Variants in LMBR1L observed in about 807,000 individuals in gnomAD.
The protein encoded by LMBR1L is limb development membrane protein 1 like.
Under a neutral mutation model 67.3 loss-of-function variants are expected in LMBR1L, and 47 were observed. The ratio of observed to expected loss-of-function variants is 0.70; its 90% CI spans 0.55 to 0.89. The LOEUF is 0.89. LMBR1L is among the 40% of genes least tolerant of loss of function. LMBR1L has a pLI of 0.00. For synonymous variants in LMBR1L, 247 were observed against 250.3 expected (o/e 0.99, Z 0.13); for missense variants, 533 against 599.2 (o/e 0.89, Z 1.15).
In LMBR1L at chr12:49,097,583, C is replaced by T. The variant is rs1939543242; in HGVS notation, c.*89G>A. ...CCACCCACCCTCTCAGATTCCAGGT[C>T]CTGAGGTCCAAGTAGCCTTGGGCTT... On this transcript the variant is annotated 3_prime_UTR_variant, in exon 17 of 17. Transcript: ENST00000267102. 7.6e-7 allele frequency: 1 copy of T among 1,314,752 alleles called. No homozygotes were observed. The allele number at this position is 1,314,752 out of a possible 1,614,324, so 81.4% of individuals were successfully genotyped here.
chr12:49,097,646 T>C lies in LMBR1L; in HGVS notation c.*26A>G, dbSNP rs1477533848. The C allele has an allele frequency of 3.1e-6, 5 of 1,611,772 alleles. No individual in the cohort carries two copies. Among genetic ancestry groups the C allele is most frequent in the African/African-American group, 1.3e-5 (1 of 74,964 alleles). ...AGGCAGCAGATGGCAGTGTCCAGTT[T>C]TTTCCTTCCCACCCCCAGCTGGAGG... On this transcript the variant is annotated 3_prime_UTR_variant, in exon 17 of 17. Transcript: ENST00000267102.
At chr12:49,097,898 AG>A in intron 16 of LMBR1L, 45 bp downstream of exon 16, 1 of 1,596,856 alleles carries the variant, frequency 6.3e-7, no homozygotes, top group African/African-American at 1.3e-5. Context: ...AGAGTGTCCT[AG>A]ATGATTACCA....
intron 9 of LMBR1L, 37 bp from the exon 10 acceptor site, chr12:49,102,413 G>A (rs373373365): frequency 1.9e-4 from 305 of 1,613,334 alleles, no homozygotes; most frequent in Non-Finnish European, 2.4e-4. Flanking sequence ...CTCAAGTCCT[G>A]CAGTTTCTGC....
In LMBR1L at chr12:49,103,683, T is replaced by C; in HGVS notation, c.562+4A>G. On this transcript the variant is annotated splice_donor_region_variant and intron_variant, in intron 6 of 16. Coordinates refer to ENST00000267102, the MANE Select transcript of LMBR1L (RefSeq NM_018113.4). Reference sequence around the variant, plus strand: ...TGCAGCCTGGAGGAAGCTGGGCCGCTCACCATAGAGTGACTCTCTGTTGGC... The same window carrying C: ...TGCAGCCTGGAGGAAGCTGGGCCGCCCACCATAGAGTGACTCTCTGTTGGC... 1 of 1,610,708 alleles carries C rather than the reference T, an allele frequency of 6.2e-7. No individual in the cohort carries two copies. Among genetic ancestry groups the C allele is most frequent in the Non-Finnish European group, 8.5e-7 (1 of 1,178,494 alleles).
At chr12:49,099,528 G>A (rs1174015511) in intron 15 of LMBR1L, among the ~76,000 whole-genome samples, 1 of 151,224 alleles carries the variant, frequency 6.6e-6, no homozygotes, top group East Asian at 2.0e-4. Flanking sequence ...GAGGGCGGCT[G>A]TTACCTCTGC....
In LMBR1L at chr12:49,100,597, GGAA is replaced by G; in HGVS notation, c.1129_1131del (p.Phe377del). The G allele has an allele frequency of 6.2e-7, 1 of 1,614,162 alleles. No individual in the cohort carries two copies. Among genetic ancestry groups the G allele is most frequent in the Non-Finnish European group, 8.5e-7 (1 of 1,180,020 alleles). ...TCGTGCCATCTGGGCCGCAGGCTCC[GGAA>G]GAGTGGAGAGCTATAGAAGCCCACA... On this transcript the variant is annotated inframe_deletion, in exon 14 of 17. Coordinates refer to ENST00000267102, the MANE Select transcript of LMBR1L (RefSeq NM_018113.4).
rs768082638 is a variant in LMBR1L at position 49,097,952 on chromosome 12, CG to C, written c.1393del (p.Arg465GlyfsTer77). The C allele has an allele frequency of 1.2e-5, 20 of 1,611,648 alleles. No individual in the cohort carries two copies. The highest frequency in any genetic ancestry group is 6.7e-5 in the Admixed American group (4 of 59,956). On this transcript the variant is annotated frameshift_variant, in exon 16 of 17. Coordinates refer to ENST00000267102, the MANE Select transcript of LMBR1L (RefSeq NM_018113.4). LOFTEE classifies it high-confidence loss of function. ...FTAAVRAELI[R>X]AFGLDRLPLP... is the part of the protein sequence containing the mutation. ...CCCTCACTCCCTCTCACCAAAGGCC[CG>C]GATCAGCTCTGCCCGCACAGCTGCA...
At chr12:49,099,828 G>T (rs956764294) in intron 15 of LMBR1L, among the ~76,000 whole-genome samples, 1 of 151,942 alleles carries the variant, frequency 6.6e-6, no homozygotes, top group Non-Finnish European at 1.5e-5. Context: ...TGATCCGCCC[G>T]CCTTGGCCTC....
chr12:49,106,697 C>T lies in LMBR1L; in HGVS notation c.157+264G>A, dbSNP rs780285377. On this transcript the variant is annotated intron_variant, in intron 2 of 16. Transcript: ENST00000267102. ...TTTCACATTAACCATCTCCTTTGGT[C>T]CACACAATGGAGTAGGTAGACATTG... The T allele has an allele frequency of 4.5e-6, 5 of 1,099,818 alleles. No homozygotes were observed. In the South Asian group the frequency reaches 6.7e-5, roughly 15 times the overall value. 68.1% of individuals were successfully genotyped at this position (1,099,818 alleles called of 1,614,324 possible).
rs1358071031 is a variant in LMBR1L at position 49,097,666 on chromosome 12, TGGA to T, written c.*3_*5del. The T allele has an allele frequency of 4.3e-6, 7 of 1,612,900 alleles. No homozygotes were observed. The Admixed American group carries it at 1.2e-4, about 27-fold the overall frequency. On this transcript the variant is annotated 3_prime_UTR_variant, in exon 17 of 17. Transcript: ENST00000267102. ...CAGTTTTTTCCTTCCCACCCCCAGCTGGAGGTCACTGGTGCTGGGTCTTCCTAG... is the reference window on the plus strand; with the variant it reads ...CAGTTTTTTCCTTCCCACCCCCAGCTGGTCACTGGTGCTGGGTCTTCCTAG...
intron 5 of LMBR1L, 85 bp from the exon 6 acceptor site, chr12:49,103,898 G>C: frequency 7.0e-7 from 1 of 1,433,418 alleles, no homozygotes; most frequent in Non-Finnish European, 9.5e-7. Flanking sequence ...GCAGGAACCA[G>C]AAAGGTTTGG....
At chr12:49,100,676 G>T (rs1270465626) in intron 13 of LMBR1L, 30 bp from the exon 14 acceptor site, 2 of 1,528,736 alleles carry the variant, frequency 1.3e-6, no homozygotes, top group African/African-American at 1.4e-5. Context: ...GAACTGGCTG[G>T]CTCCAAGAAT....
intron 8 of LMBR1L, 80 bp downstream of exon 8, chr12:49,102,807 C>T: frequency 9.7e-6 from 13 of 1,339,914 alleles, no homozygotes; most frequent in Non-Finnish European, 1.3e-5. Context: ...ACTACACAAC[C>T]ATAGGGTTGT....
Position 49,102,206 on chromosome 12 carries a change from G to T in LMBR1L, c.854-10C>A, listed in dbSNP as rs1940283615. ...GCCTTCCGCCTCTTCTCTGTGCAGG[G>T]ATGGGAGGCTGTCAGCAAGCACCTG... is the stretch of plus-strand genomic sequence containing the variant. On this transcript the variant is annotated splice_polypyrimidine_tract_variant and intron_variant, in intron 10 of 16. Coordinates refer to ENST00000267102, the MANE Select transcript of LMBR1L (RefSeq NM_018113.4). The T allele has an allele frequency of 6.2e-7, 1 of 1,614,124 alleles. No individual in the cohort carries two copies. Among genetic ancestry groups the T allele is most frequent in the Non-Finnish European group, 8.5e-7 (1 of 1,179,962 alleles).
At chr12:49,107,735 C>T (rs1199712477) in intron 1 of LMBR1L, among the ~76,000 whole-genome samples, 1 of 152,218 alleles carries the variant, frequency 6.6e-6, no homozygotes, top group East Asian at 1.9e-4. Flanking sequence ...GATGGCGGAA[C>T]TCAGCCAGGT....
chr12:49,100,011 C>G (rs1939928602), intron 15 of LMBR1L, among the ~76,000 whole-genome samples: 1 of 152,222 alleles, frequency 6.6e-6, no homozygotes, highest in Non-Finnish European at 1.5e-5. Flanking sequence ...GGGTCCTAGA[C>G]TGACTTGACC....
chr12:49,102,486 G>A lies in LMBR1L; in HGVS notation c.751C>T (p.Leu251=). The stretch of plus-strand genomic sequence containing the variant: ...AACTTACTACAGATCCTGCGGGTCA[G>A]GGCTGCCTCCTCAAAGGCTGAGCAG... ...LYCSAFEEAA[L]TRRICNPTSC... is the part of the protein sequence containing the mutation. The change falls in exon 9 of 17, where the codon CTG becomes TTG. Residue 251 remains leucine, a synonymous_variant. Coordinates refer to ENST00000267102, the MANE Select transcript of LMBR1L (RefSeq NM_018113.4). 1 of 1,614,206 alleles carries A rather than the reference G, an allele frequency of 6.2e-7. No homozygotes were observed. The highest frequency in any genetic ancestry group is 8.5e-7 in the Non-Finnish European group (1 of 1,180,028).
At chr12:49,106,577 C>T (rs1202017746) in intron 2 of LMBR1L, 15 of 1,317,372 alleles carry the variant, frequency 1.1e-5, no homozygotes, top group Middle Eastern at 2.1e-4. Context: ...GGTCTCTGGT[C>T]CTGGCTGTGG....
chr12:49,105,902 G>C, intron 3 of LMBR1L, 22 bp downstream of exon 3: 5 of 1,607,796 alleles, frequency 3.1e-6, no homozygotes, highest in Non-Finnish European at 4.3e-6. Flanking sequence ...CTGATGTTAG[G>C]TGCTGAGGCA....
Sources: gnomAD v4.1 joint callset for allele counts (sites outside exome capture counted in the v4.1 genomes callset) on GRCh38, gnomAD v4.1.1 for gene constraint, MANE v1.5 for transcripts, NCBI Gene and HGNC (gene_info 2026-07-23, HGNC 2026-07-21) for gene names.